ADGRV1: variants seen among roughly 807,000 people sequenced by gnomAD.
The protein encoded by ADGRV1 is G-protein coupled receptor 98.
In ADGRV1, 359 loss-of-function variants were observed where a neutral mutation model predicts 596.2. That is an observed-to-expected ratio of 0.60 (90% CI 0.55 to 0.66). The LOEUF is 0.66. Among genes scored for constraint, ADGRV1 ranks in the 30% least tolerant of loss-of-function variants. The pLI, the probability that ADGRV1 is intolerant of heterozygous loss-of-function variation, is 0.00. For missense variants in ADGRV1, 7,274 were observed against 7,575.6 expected, an observed-to-expected ratio of 0.96 and a Z score of 1.48; for synonymous variants, 2,681 against 2,679.2, an observed-to-expected ratio of 1.00 and a Z score of -0.02.
chr5:91,030,887 A>G (rs1784428798), intron 85 of ADGRV1: 3 of 512,832 alleles, frequency 5.8e-6, no homozygotes, highest in East Asian at 3.2e-5. Flanking sequence ...CTGCCCCACC[A>G]CAATTTCCTG....
intron 85 of ADGRV1, among the ~76,000 whole-genome samples, chr5:91,058,362 A>G (rs1263378013): frequency 9.9e-5 from 15 of 152,184 alleles, no homozygotes; most frequent in Admixed American, 9.2e-4. Context: ...CTGCATTCCA[A>G]TAGTCAACAC....
chr5:91,120,486 A>T (rs951469736), intron 87 of ADGRV1, among the ~76,000 whole-genome samples: 1 of 152,192 alleles, frequency 6.6e-6, no homozygotes, highest in Admixed American at 6.5e-5. Context: ...AGGAAAAAGA[A>T]ATTTTTCCAG....
At chr5:90,604,505 T>TGAGATCTTAATTTCAA (rs1414222473) in intron 1 of ADGRV1, among the ~76,000 whole-genome samples, 1 of 152,248 alleles carries the variant, frequency 6.6e-6, no homozygotes, top group Non-Finnish European at 1.5e-5. Flanking sequence ...TTGTTTTCAG[T>TGAGATCTTAATTTCAA]GAGATCTTAA....
rs146927477 is a variant in ADGRV1, at chr5:90,649,869, T to TGA, written c.3290-1717_3290-1716dup. 2.7e-3 allele frequency among the ~76,000 whole-genome samples: 411 copies of TGA among 150,210 alleles called. 1 individual carries two copies. The highest frequency in any genetic ancestry group is 0.014 in the East Asian group (73 of 5,158). On this transcript the variant is annotated intron_variant, in intron 17 of 89. Transcript: ENST00000405460. ...AAATATATTTATTAATATTTGATTT[T>TGA]GAGAGAGAGAGAGAGAGAGGGAGAA...
chr5:91,035,134 A>G (rs2151245757), intron 85 of ADGRV1, among the ~76,000 whole-genome samples: 1 of 152,236 alleles, frequency 6.6e-6, no homozygotes, highest in East Asian at 1.9e-4. Context: ...TTCTCCTTCC[A>G]GCCCTATACT....
At position 90,644,843 on chromosome 5, in the gene ADGRV1, A is replaced by G; in HGVS notation, c.2872A>G (p.Ile958Val). The change falls in exon 15 of 90, where the codon ATC becomes GTC. Residue 958 changes from isoleucine (I) to valine (V), a missense_variant. This residue lies in a region of ADGRV1 where 1,715 missense variants were observed against 1,708.8 expected (regional missense o/e 1.00). Coordinates refer to ENST00000405460, the MANE Select transcript of ADGRV1 (RefSeq NM_032119.4). ...TGGAGATCAGGAATTTTCAAAAAAT[A>G]TCACCATTTACTCCCTTCCAGATGA... is the stretch of plus-strand genomic sequence containing the variant. ...VFGDQEFSKN[I>V]TIYSLPDEIP... 1 of 1,607,450 alleles carries G rather than the reference A, an allele frequency of 6.2e-7. No individual in the cohort carries two copies. Among genetic ancestry groups the G allele is most frequent in the African/African-American group, 1.3e-5 (1 of 74,828 alleles).
rs41305900 is a variant in ADGRV1 at position 90,627,608 on chromosome 5, C to T, written c.1070C>T (p.Ser357Leu). The T allele has an allele frequency of 2.5e-5, 41 of 1,613,724 alleles. No homozygotes were observed. Among genetic ancestry groups the T allele is most frequent in the Admixed American group, 3.3e-5 (2 of 59,988 alleles). Residue 357 changes from serine to leucine, a missense_variant, in exon 7 of 90, where the codon TCG (serine) becomes TTG (leucine). Transcript: ENST00000405460. Reference protein sequence around the residue: ...VDDTIPEIAESFHIMLLKDTL... With the variant: ...VDDTIPEIAELFHIMLLKDTL... ...GACACCATACCGGAGATTGCTGAAT[C>T]GTTTCACATTATGTTACTAAAAGAT...
At chr5:90,852,927 T>C (rs1333895513) in intron 79 of ADGRV1, among the ~76,000 whole-genome samples, 1 of 152,214 alleles carries the variant, frequency 6.6e-6, no homozygotes, top group African/African-American at 2.4e-5. Context: ...CATGCTTTTC[T>C]CAACCTATTC....
At chr5:91,085,690 G>T (rs1205527995) in intron 86 of ADGRV1, among the ~76,000 whole-genome samples, 1 of 152,102 alleles carries the variant, frequency 6.6e-6, no homozygotes, top group Non-Finnish European at 1.5e-5. Flanking sequence ...CTTGGAACTT[G>T]TTTCATTGAA....
chr5:90,609,114 A>G (rs1389752443), intron 1 of ADGRV1, among the ~76,000 whole-genome samples: 1 of 152,066 alleles, frequency 6.6e-6, no homozygotes, highest in African/African-American at 2.4e-5. Context: ...TTCTGTAGGA[A>G]TACATATATT....
rs201388114 is a variant in ADGRV1, at chr5:90,675,427, C to T, written c.5295C>T (p.Phe1765=). 6.2e-7 allele frequency: 1 copy of T among 1,613,398 alleles called. No homozygotes were observed. The highest frequency in any genetic ancestry group is 8.5e-7 in the Non-Finnish European group (1 of 1,179,634). The part of the protein sequence containing the change: ...AEFRTVSLTA[F]SPEDYQNVAG... ...TTAGAACAGTGTCCTTGACAGCATT[C>T]AGTCCTGAGGATTACCAGGTAATTT... Residue 1765 remains phenylalanine, a synonymous_variant, in exon 24 of 90, where the codon TTC becomes TTT. Transcript: ENST00000405460.
chr5:90,811,367 A>G lies in ADGRV1; in HGVS notation c.16078+29A>G. 3.3e-6 allele frequency: 5 copies of G among 1,520,306 alleles called. No individual in the cohort carries two copies. In the South Asian group the frequency reaches 5.2e-5, roughly 16 times the overall value. The allele number at this position is 1,520,306 out of a possible 1,614,324, so 94.2% of individuals were successfully genotyped here. The stretch of plus-strand genomic sequence containing the variant: ...TATCTTTGAAATGATGGAGATAAAA[A>G]TATACTTTTATGGTACATAATTTGT... On this transcript the variant is annotated intron_variant, in intron 74 of 89. Transcript: ENST00000405460.
chr5:90,812,885 A>G (rs113336323), intron 74 of ADGRV1, among the ~76,000 whole-genome samples: 2,052 of 152,104 alleles, frequency 0.013, 14 homozygotes, highest in Middle Eastern at 0.054. Context: ...TAATCCCAGC[A>G]CTTTGGGAGG....
At chr5:90,894,719 A>T (rs1771137211) in intron 83 of ADGRV1, among the ~76,000 whole-genome samples, 1 of 152,150 alleles carries the variant, frequency 6.6e-6, no homozygotes, top group Non-Finnish European at 1.5e-5. Flanking sequence ...AGAGTGCAAG[A>T]CAATGGGTAT....
At chr5:90,925,805 C>T (rs1258852660) in intron 83 of ADGRV1, among the ~76,000 whole-genome samples, 1 of 128,098 alleles carries the variant, frequency 7.8e-6, no homozygotes, top group African/African-American at 2.8e-5. Context: ...AAATACGTCC[C>T]GTCAATACCT....
chr5:91,102,170 G>T, intron 86 of ADGRV1, 49 bp from the exon 87 acceptor site: 1 of 1,553,318 alleles, frequency 6.4e-7, no homozygotes, highest in South Asian at 1.2e-5. Context: ...GTATACATGT[G>T]ACTGTGCAGT....
chr5:90,981,153 A>T (rs768127976), intron 84 of ADGRV1, among the ~76,000 whole-genome samples: 14 of 152,340 alleles, frequency 9.2e-5, no homozygotes, highest in Middle Eastern at 3.4e-3. Flanking sequence ...ATCAATCAAC[A>T]TATGGAAGGT....
At chr5:90,596,569 C>G (rs1307770701) in intron 1 of ADGRV1, among the ~76,000 whole-genome samples, 1 of 152,140 alleles carries the variant, frequency 6.6e-6, no homozygotes, top group Non-Finnish European at 1.5e-5. Flanking sequence ...TGGCGGATCA[C>G]TCGTGGTTAG....
Position 90,651,628 on chromosome 5 carries a change from G to T in ADGRV1, c.3314G>T (p.Gly1105Val). The change falls in exon 18 of 90, where the codon GGA (glycine) becomes GTA (valine). Residue 1105 changes from glycine (G) to valine (V), a missense_variant. By Grantham distance (109) the Gly-to-Val change is moderately radical. Transcript: ENST00000405460. ...GGTGATACAGTAGTATATCAATATG[G>T]AGTAGCTACAGTAATAATTGAAGCT... ...STGDTVVYQY[G>V]VATVIIEAND... 1.3e-6 allele frequency: 2 copies of T among 1,599,330 alleles called. No individual in the cohort carries two copies. Among genetic ancestry groups the T allele is most frequent in the Admixed American group, 1.7e-5 (1 of 59,838 alleles).
Sources: gnomAD v4.1 joint callset for allele counts (sites outside exome capture counted in the v4.1 genomes callset) on GRCh38, gnomAD v4.1.1 for gene constraint, gnomAD v4.1.1 regional missense constraint, MANE v1.5 for transcripts, NCBI Gene and HGNC (gene_info 2026-07-23, HGNC 2026-07-21) for gene names.